Variants in EGF observed in about 807,000 individuals in gnomAD.
EGF encodes the protein pro-epidermal growth factor.
Under a neutral mutation model 143.8 loss-of-function variants are expected in EGF, and 95 were observed. The ratio of observed to expected loss-of-function variants is 0.66; its 90% confidence interval spans 0.56 to 0.78. The LOEUF is 0.78. Among genes scored for constraint, EGF ranks in the 30% least tolerant of loss-of-function variants. The probability of loss-of-function intolerance (pLI) is 0.00; values close to 1 mark genes in which losing one functional copy is unlikely to be tolerated. For synonymous variants in EGF, 510 were observed against 510.5 expected (o/e 1.00, Z 0.01); for missense variants, 1,320 against 1,470.9 (o/e 0.90, Z 1.68).
At chr4:109,998,010 A>G (rs1752057013) in intron 20 of EGF, among the ~76,000 whole-genome samples, 1 of 152,236 alleles carries the variant, frequency 6.6e-6, no homozygotes, top group African/African-American at 2.4e-5. Flanking sequence ...TAACCAAAGA[A>G]CTAGTATCCT....
intron 1 of EGF, among the ~76,000 whole-genome samples, chr4:109,914,148 C>T (rs11568858): frequency 2.3e-3 from 352 of 152,254 alleles, no homozygotes; most frequent in African/African-American, 7.4e-3. Flanking sequence ...TGACTGAATG[C>T]GAATTACAAT....
At chr4:109,979,827 A>T (rs553008717) in intron 13 of EGF, 145 bp from the exon 14 acceptor site, 2 of 860,826 alleles carry the variant, frequency 2.3e-6, no homozygotes, top group African/African-American at 1.7e-5. Context: ...CAGGTGTGTG[A>T]GTCGGTGGCT....
intron 16 of EGF, among the ~76,000 whole-genome samples, chr4:109,985,804 C>T (rs973439577): frequency 6.6e-6 from 1 of 152,196 alleles, no homozygotes; most frequent in African/African-American, 2.4e-5. Context: ...TTTTGCCTCT[C>T]AGGAAGGCCT....
chr4:109,961,042 G>A, intron 7 of EGF, 53 bp downstream of exon 7: 2 of 1,600,498 alleles, frequency 1.2e-6, no homozygotes, highest in South Asian at 1.1e-5. Context: ...TTTTCAATAT[G>A]TTTCTAAGGT....
intron 22 of EGF, among the ~76,000 whole-genome samples, chr4:110,005,352 ATTTT>A (rs1753133774): frequency 6.6e-6 from 1 of 150,526 alleles, no homozygotes; most frequent in East Asian, 1.9e-4. Flanking sequence ...AATTTTCTTA[ATTTT>A]CTTAATATTT....
At chr4:109,966,451 A>C (rs1281317745) in intron 10 of EGF, among the ~76,000 whole-genome samples, 1 of 152,122 alleles carries the variant, frequency 6.6e-6, no homozygotes, top group Non-Finnish European at 1.5e-5. Flanking sequence ...CCATTGATGG[A>C]CACTTAGATT....
intron 19 of EGF, among the ~76,000 whole-genome samples, chr4:109,994,362 AC>A (rs943088951): frequency 2.6e-5 from 4 of 152,200 alleles, no homozygotes; most frequent in Admixed American, 1.3e-4. Context: ...CCATAGAGTT[AC>A]CAGTTGTTCA....
intron 2 of EGF, among the ~76,000 whole-genome samples, chr4:109,942,513 G>T (rs11568893): frequency 6.6e-6 from 1 of 152,132 alleles, no homozygotes; most frequent in Non-Finnish European, 1.5e-5. Context: ...GTAGCTGGAC[G>T]TCTGCCATGG....
At chr4:109,985,066 T>G (rs1377894629) in intron 16 of EGF, among the ~76,000 whole-genome samples, 1 of 152,158 alleles carries the variant, frequency 6.6e-6, no homozygotes, top group Non-Finnish European at 1.5e-5. Flanking sequence ...TCATAGAGCA[T>G]ATTTTGAAAG....
rs564044518 is a variant in EGF, at chr4:110,011,462, G to A, written c.*7G>A. 1 of 1,614,166 alleles carries A rather than the reference G, an allele frequency of 6.2e-7. No individual in the cohort carries two copies. Among genetic ancestry groups the A allele is most frequent in the Non-Finnish European group, 8.5e-7 (1 of 1,180,006 alleles). ...AATGGAGCTGACTCAGTGAAAACTG[G>A]AATTAAAAGGAAAGTCAAGAAGAAT... On this transcript the variant is annotated 3_prime_UTR_variant, in exon 24 of 24. Coordinates refer to ENST00000265171, the MANE Select transcript of EGF (RefSeq NM_001963.6).
In EGF at chr4:109,964,584, A is replaced by G. The variant is rs751687421; in HGVS notation, c.1575+47A>G. On this transcript the variant is annotated intron_variant, in intron 10 of 23. Transcript: ENST00000265171. Reference sequence around the variant, plus strand: ...AGATGTGGACATGCTTTAAGGACAGAGTAGAGGATTTTATCCTAACAAATG... The same window carrying G: ...AGATGTGGACATGCTTTAAGGACAGGGTAGAGGATTTTATCCTAACAAATG... 34 of 1,612,378 alleles carry G rather than the reference A, an allele frequency of 2.1e-5. No individual in the cohort carries two copies. The Middle Eastern group carries it at 5.0e-4, about 24-fold the overall frequency.
At chr4:109,923,329 T>A (rs778705658) in intron 1 of EGF, among the ~76,000 whole-genome samples, 5 of 151,606 alleles carry the variant, frequency 3.3e-5, no homozygotes, top group Non-Finnish European at 5.9e-5. Flanking sequence ...TTTGTCTATT[T>A]GTCTAGAACA....
At chr4:109,931,154 C>CTG (rs1739617989) in intron 1 of EGF, among the ~76,000 whole-genome samples, 1 of 152,230 alleles carries the variant, frequency 6.6e-6, no homozygotes, top group African/African-American at 2.4e-5. Context: ...TCTGAAAAAA[C>CTG]ATTACCATAT....
Position 109,999,699 on chromosome 4 carries a change from G to T in EGF, c.3026G>T (p.Gly1009Val). Reference sequence around the variant, plus strand: ...CACAGCTGTGTTGTTGGCTACATCGGGGAGCGATGTCAGTACCGAGACCTG... The same window carrying T: ...CACAGCTGTGTTGTTGGCTACATCGTGGAGCGATGTCAGTACCGAGACCTG... The part of the protein sequence containing the change: ...YACNCVVGYI[G>V]ERCQYRDLKW... The change falls in exon 21 of 24, where the codon GGG becomes GTG. Residue 1009 changes from glycine to valine, a missense_variant. Transcript: ENST00000265171. 6.2e-7 allele frequency: 1 copy of T among 1,614,120 alleles called. No individual in the cohort carries two copies. The highest frequency in any genetic ancestry group is 1.3e-5 in the African/African-American group (1 of 75,026).
chr4:109,932,865 T>C (rs1413325044), intron 1 of EGF, among the ~76,000 whole-genome samples: 4 of 152,122 alleles, frequency 2.6e-5, no homozygotes, highest in Admixed American at 6.5e-5. Context: ...CACGAATTAG[T>C]AGCTATGAGT....
intron 22 of EGF, among the ~76,000 whole-genome samples, chr4:110,006,147 G>A (rs1362309677): frequency 4.0e-5 from 6 of 151,800 alleles, no homozygotes; most frequent in South Asian, 2.1e-4. Flanking sequence ...GGACCAGCCC[G>A]GACAATATAG....
intron 21 of EGF, among the ~76,000 whole-genome samples, chr4:110,003,172 A>G (rs1752800047): frequency 6.6e-6 from 1 of 152,180 alleles, no homozygotes; most frequent in Admixed American, 6.5e-5. Context: ...TCCTCTGGGT[A>G]TATACCCAGT....
At chr4:109,931,789 CA>C (rs1418126456) in intron 1 of EGF, among the ~76,000 whole-genome samples, 2 of 152,186 alleles carry the variant, frequency 1.3e-5, no homozygotes, top group Non-Finnish European at 2.9e-5. Flanking sequence ...TTATTTTAAA[CA>C]AACAATTTTG....
At chr4:109,979,477 A>C (rs1232720762) in intron 13 of EGF, among the ~76,000 whole-genome samples, 1 of 152,052 alleles carries the variant, frequency 6.6e-6, no homozygotes, top group African/African-American at 2.4e-5. Flanking sequence ...GTGTTGGTGG[A>C]GATGGGAATG....
Sources: allele counts gnomAD v4.1 joint callset (sites outside exome capture counted in the v4.1 genomes callset), GRCh38; gene constraint gnomAD v4.1.1; transcripts MANE v1.5; gene names NCBI Gene and HGNC (gene_info 2026-07-23, HGNC 2026-07-21).